Variants in ZNF423 observed in about 807,000 individuals in gnomAD.
ZNF423 encodes the protein zinc finger protein 423, also known as Ebf-associated zinc finger protein.
A neutral mutation model predicts 95.8 loss-of-function variants in ZNF423; 12 were observed. The ratio of observed to expected loss-of-function variants is 0.13; its 90% CI spans 0.08 to 0.20. ZNF423 has a LOEUF of 0.20. Among genes scored for constraint, ZNF423 ranks in the 10% least tolerant of loss-of-function variants. The pLI, the probability that ZNF423 is intolerant of heterozygous loss-of-function variation, is 1.00. For synonymous variants in ZNF423, 749 were observed against 711.9 expected (o/e 1.05, Z -0.83); for missense variants, 1,316 against 1,737.1 (o/e 0.76, Z 4.31).
In ZNF423 at chr16:49,719,556, T is replaced by G. The variant is rs556095498; in HGVS notation, c.301+11215A>C. ...TCCCAGTGTTGGGGAAGGGGCCTGG[T>G]GAGAGGTGATTAGATCATGGGGGCA... is the stretch of plus-strand genomic sequence containing the variant. On this transcript the variant is annotated intron_variant, in intron 3 of 7. Transcript: ENST00000563137. Among the ~76,000 whole-genome samples, 31 of 152,254 alleles carry G rather than the reference T, an allele frequency of 2.0e-4. 1 individual carries two copies. In the South Asian group the frequency reaches 6.2e-3, roughly 31 times the overall value.
At chr16:49,770,154 G>T (rs1368914751) in intron 2 of ZNF423, among the ~76,000 whole-genome samples, 1 of 152,126 alleles carries the variant, frequency 6.6e-6, no homozygotes, top group East Asian at 1.9e-4. Flanking sequence ...CCAGCACATG[G>T]TAGGTGCTCA....
intron 3 of ZNF423, among the ~76,000 whole-genome samples, chr16:49,677,228 A>AAGAG (rs2031091665): frequency 1.1e-4 from 6 of 57,098 alleles, no homozygotes; most frequent in African/African-American, 2.0e-4. Flanking sequence ...AGAAACAAGA[A>AAGAG]AAGAGAAGAG....
chr16:49,742,806 G>A (rs926150953), intron 2 of ZNF423, among the ~76,000 whole-genome samples: 1 of 152,110 alleles, frequency 6.6e-6, no homozygotes, highest in Non-Finnish European at 1.5e-5. Context: ...TGCAAAAAAA[G>A]GATCCCGGTT....
chr16:49,838,844 C>G (rs1212234311), intron 1 of ZNF423, among the ~76,000 whole-genome samples: 1 of 151,796 alleles, frequency 6.6e-6, no homozygotes, highest in Non-Finnish European at 1.5e-5. Context: ...GTGACTGCGC[C>G]GCAGCCATGG....
intron 3 of ZNF423, among the ~76,000 whole-genome samples, chr16:49,666,577 GT>G (rs2030557296): frequency 6.6e-6 from 1 of 152,170 alleles, no homozygotes; most frequent in South Asian, 2.1e-4. Flanking sequence ...CATATGCATG[GT>G]TATACTCAAT....
chr16:49,797,601 C>T (rs2034518881), intron 1 of ZNF423, among the ~76,000 whole-genome samples: 1 of 152,232 alleles, frequency 6.6e-6, no homozygotes, highest in Non-Finnish European at 1.5e-5. Context: ...AGGCTCCCTG[C>T]AGCTAAAGCT....
In ZNF423 at chr16:49,522,093, G is replaced by T. The variant is rs114161231; in HGVS notation, c.3849+1531C>A. The stretch of plus-strand genomic sequence containing the variant: ...AAGTGGCCCCAGCCTTGTAACCTGG[G>T]TATGTGGGAGATTGCTGCATGCAGG... On this transcript the variant is annotated intron_variant, in intron 7 of 7. Transcript: ENST00000563137. Among the ~76,000 whole-genome samples, 715 of 152,342 alleles carry T rather than the reference G, an allele frequency of 4.7e-3. 1 individual carries two copies. The highest frequency in any genetic ancestry group is 0.01 in the Middle Eastern group (3 of 294).
chr16:49,693,389 G>A (rs368489069), intron 3 of ZNF423, among the ~76,000 whole-genome samples: 40 of 152,240 alleles, frequency 2.6e-4, no homozygotes, highest in African/African-American at 7.5e-4. Flanking sequence ...GGATGCATAC[G>A]TGGGATTAGA....
At chr16:49,853,103 C>T (rs893017505) in intron 1 of ZNF423, among the ~76,000 whole-genome samples, 86 of 152,296 alleles carry the variant, frequency 5.6e-4, no homozygotes, top group African/African-American at 2.0e-3. Context: ...GGGAAGTCCA[C>T]AAAGCCTCTA....
intron 3 of ZNF423, among the ~76,000 whole-genome samples, chr16:49,662,305 T>C (rs1468378962): frequency 6.6e-6 from 1 of 152,092 alleles, no homozygotes; most frequent in Non-Finnish European, 1.5e-5. Context: ...ACTCCCTTAG[T>C]CTGCAGGAAG....
chr16:49,775,085 G>A (rs554383272), intron 2 of ZNF423, among the ~76,000 whole-genome samples: 19 of 152,308 alleles, frequency 1.2e-4, no homozygotes, highest in Admixed American at 1.2e-3. Flanking sequence ...CCTCCAGGCT[G>A]TACTGCATGG....
intron 5 of ZNF423, among the ~76,000 whole-genome samples, chr16:49,589,375 C>T (rs890819934): frequency 6.6e-6 from 1 of 152,262 alleles, no homozygotes; most frequent in African/African-American, 2.4e-5. Context: ...CTACTCTGGG[C>T]GAAGAAACGT....
intron 3 of ZNF423, chr16:49,663,973 A>C (rs958608000): frequency 2.9e-6 from 2 of 690,190 alleles, no homozygotes; most frequent in Non-Finnish European, 1.8e-6. Context: ...CCACTCCCCA[A>C]CGCGCCGGGA....
intron 7 of ZNF423, among the ~76,000 whole-genome samples, chr16:49,494,931 G>T (rs1248416317): frequency 2.6e-5 from 4 of 151,822 alleles, no homozygotes; most frequent in African/African-American, 4.9e-5. Flanking sequence ...CAGCCTTAAT[G>T]TCTCTTTCTC....
At chr16:49,800,870 A>G (rs2034572367) in intron 1 of ZNF423, among the ~76,000 whole-genome samples, 1 of 152,210 alleles carries the variant, frequency 6.6e-6, no homozygotes, top group Non-Finnish European at 1.5e-5. Flanking sequence ...AAGGCAAAAC[A>G]GGGAAGGGAA....
At chr16:49,815,877 AAAAAATATATATAT>A (rs2034833364) in intron 1 of ZNF423, among the ~76,000 whole-genome samples, 10 of 64,096 alleles carry the variant, frequency 1.6e-4, no homozygotes, top group African/African-American at 6.7e-4. Flanking sequence ...AAACAAAAAA[AAAAAATATATATAT>A]ATATATATAT....
chr16:49,715,143 G>T (rs929831119), intron 3 of ZNF423, among the ~76,000 whole-genome samples: 1 of 152,238 alleles, frequency 6.6e-6, no homozygotes, highest in African/African-American at 2.4e-5. Flanking sequence ...AGGCATGAGG[G>T]AGACAGCACA....
chr16:49,839,578 G>A (rs1054797690), intron 1 of ZNF423, among the ~76,000 whole-genome samples: 1 of 152,206 alleles, frequency 6.6e-6, no homozygotes, highest in African/African-American at 2.4e-5. Context: ...GGAGGAGCGG[G>A]ACATGACACT....
intron 3 of ZNF423, 200 bp downstream of exon 3, chr16:49,730,571 C>G (rs1294627606): frequency 4.8e-6 from 3 of 631,300 alleles, no homozygotes; most frequent in Non-Finnish European, 8.2e-6. Context: ...CATCTAATTC[C>G]TGCCTGCCGG....
Sources: allele counts gnomAD v4.1 joint callset (sites outside exome capture counted in the v4.1 genomes callset), GRCh38; gene constraint gnomAD v4.1.1; transcripts MANE v1.5; gene names NCBI Gene and HGNC (gene_info 2026-07-23, HGNC 2026-07-21).